Variants in SNX18 observed in about 807,000 individuals in gnomAD.
SNX18 encodes sorting nexin 18.
SNX18 carries 35 observed loss-of-function variants against 48.7 expected under a neutral mutation model. The observed-to-expected ratio is 0.72, with a 90% CI of 0.55 to 0.95. The LOEUF (loss-of-function observed/expected upper bound fraction) is 0.95. Among genes scored for constraint, SNX18 ranks in the 40% least tolerant of loss-of-function variants. SNX18 has a pLI of 0.00. For synonymous variants in SNX18, 492 were observed against 384.7 expected (o/e 1.28, Z -3.26); for missense variants, 824 against 871.0 (o/e 0.95, Z 0.68).
chr5:54,595,601 C>A, the SNX18 span, among the ~76,000 whole-genome samples: 7 of 152,214 alleles, frequency 4.6e-5, no homozygotes, highest in Non-Finnish European at 1.0e-4. Flanking sequence ...TACATTCCCA[C>A]TGACAGTGTA....
At chr5:54,523,584 A>C (rs1305377533) in intron 1 of SNX18, among the ~76,000 whole-genome samples, 1 of 152,130 alleles carries the variant, frequency 6.6e-6, no homozygotes, top group East Asian at 1.9e-4. Context: ...TGAAGCAGGG[A>C]GGCAGGACTA....
In SNX18 at chr5:54,519,554, C is replaced by T; in HGVS notation, c.1602C>T (p.Asp534=). 9 of 1,614,238 alleles carry T rather than the reference C, an allele frequency of 5.6e-6. No homozygotes were observed. Among genetic ancestry groups the T allele is most frequent in the Non-Finnish European group, 7.6e-6 (9 of 1,180,044 alleles). ...LYQGHLANFP[D]IIHVQKGALT... is the part of the protein sequence containing the mutation. Reference sequence around the variant, plus strand: ...AGGGGCATCTGGCTAACTTCCCGGACATCATCCACGTTCAGAAAGGTAAAG... The same window carrying T: ...AGGGGCATCTGGCTAACTTCCCGGATATCATCCACGTTCAGAAAGGTAAAG... Residue 534 remains aspartate (D), a synonymous_variant, in exon 1 of 2, where the codon GAC becomes GAT. Transcript: ENST00000381410.
chr5:54,579,797 G>A, the SNX18 span, among the ~76,000 whole-genome samples: 8 of 152,188 alleles, frequency 5.3e-5, no homozygotes, highest in African/African-American at 2.4e-5. Context: ...GTCCACAGGA[G>A]GGTGGGGCTG....
At chr5:54,620,772 G>A in the SNX18 span, among the ~76,000 whole-genome samples, 2 of 152,194 alleles carry the variant, frequency 1.3e-5, no homozygotes, top group South Asian at 2.1e-4. Context: ...CCAAGATCAA[G>A]GAGTTGGCCA....
intron 1 of SNX18, among the ~76,000 whole-genome samples, chr5:54,526,126 A>T (rs1001814925): frequency 2.6e-5 from 4 of 152,152 alleles, no homozygotes; most frequent in African/African-American, 9.7e-5. Context: ...TTTTTTAAAG[A>T]TGGAGTCTTG....
chr5:54,634,554 G>T, the SNX18 span, among the ~76,000 whole-genome samples: 2 of 151,670 alleles, frequency 1.3e-5, no homozygotes, highest in East Asian at 3.9e-4. Context: ...GCTCATCAGC[G>T]ATCCTTAGTG....
chr5:54,601,989 G>C, the SNX18 span, among the ~76,000 whole-genome samples: 1 of 152,154 alleles, frequency 6.6e-6, no homozygotes, highest in East Asian at 1.9e-4. Context: ...CTGTTGCACT[G>C]CTTGCCAACT....
the SNX18 span, among the ~76,000 whole-genome samples, chr5:54,646,313 G>C: frequency 9.2e-4 from 140 of 152,144 alleles, no homozygotes; most frequent in African/African-American, 3.1e-3. Flanking sequence ...ACTCTGCTAG[G>C]GGCTGATTTC....
chr5:54,624,502 CCATGTAA>C, the SNX18 span, among the ~76,000 whole-genome samples: 2 of 152,190 alleles, frequency 1.3e-5, no homozygotes, highest in Non-Finnish European at 2.9e-5. Flanking sequence ...ATGCAGTCCT[CCATGTAA>C]CATATCTTGG....
At chr5:54,586,672 G>A in the SNX18 span, among the ~76,000 whole-genome samples, 5 of 152,178 alleles carry the variant, frequency 3.3e-5, no homozygotes, top group Admixed American at 2.6e-4. Context: ...AGCCCTTATG[G>A]CCTAATCACT....
At chr5:54,616,372 A>G in the SNX18 span, among the ~76,000 whole-genome samples, 3 of 143,208 alleles carry the variant, frequency 2.1e-5, no homozygotes, top group African/African-American at 7.9e-5. Flanking sequence ...TATCTATTTA[A>G]TAACAACTTA....
At chr5:54,588,041 A>G in the SNX18 span, among the ~76,000 whole-genome samples, 1 of 152,154 alleles carries the variant, frequency 6.6e-6, no homozygotes, top group African/African-American at 2.4e-5. Flanking sequence ...GAAGAAGCCA[A>G]TCTTCTAGGG....
chr5:54,543,662 A>G lies in SNX18; in HGVS notation c.*230A>G, dbSNP rs184370573. On this transcript the variant is annotated 3_prime_UTR_variant, in exon 2 of 2. Transcript: ENST00000381410. ...ACTAAATTATACTATGTATGCCTAC[A>G]CTACCATTGTAACTTTTGGAATAAT... The G allele has an allele frequency of 1.4e-3, 702 of 488,158 alleles. 9 individuals carry two copies. In the Admixed American group the frequency reaches 0.023, roughly 16 times the overall value. The allele number at this position is 488,158 out of a possible 1,614,324, so 30.2% of individuals were successfully genotyped here. A position where few individuals can be genotyped will look rare whatever the true frequency, so the allele number is the denominator to read the frequency against.
At chr5:54,548,474 A>G (rs1762608445), downstream of SNX18, among the ~76,000 whole-genome samples, 1 of 152,234 alleles carries the variant, frequency 6.6e-6, no homozygotes, top group South Asian at 2.1e-4. Flanking sequence ...CCAGCATATC[A>G]GTGAGAAAGG....
chr5:54,629,298 T>A, the SNX18 span, among the ~76,000 whole-genome samples: 1 of 152,182 alleles, frequency 6.6e-6, no homozygotes, highest in African/African-American at 2.4e-5. Context: ...TTCTTGAATG[T>A]GGAGAGGAGC....
At chr5:54,534,097 C>A (rs55908899) in intron 1 of SNX18, among the ~76,000 whole-genome samples, 1 of 152,030 alleles carries the variant, frequency 6.6e-6, no homozygotes, top group South Asian at 2.1e-4. Context: ...GCTGTCCCTG[C>A]TGCCCTTCAG....
At chr5:54,622,056 G>C in the SNX18 span, among the ~76,000 whole-genome samples, 1 of 152,230 alleles carries the variant, frequency 6.6e-6, no homozygotes, top group Non-Finnish European at 1.5e-5. Flanking sequence ...AAAAGAATTC[G>C]AGGAGAGCTG....
chr5:54,530,743 A>ATTTTT (rs1762238967), intron 1 of SNX18, among the ~76,000 whole-genome samples: 1 of 58,052 alleles, frequency 1.7e-5, no homozygotes, highest in Non-Finnish European at 3.2e-5. Context: ...GAACCACAGA[A>ATTTTT]ATTTTTTTTT....
intron 1 of SNX18, among the ~76,000 whole-genome samples, chr5:54,531,969 T>C (rs1257506087): frequency 6.6e-6 from 1 of 152,218 alleles, no homozygotes; most frequent in Non-Finnish European, 1.5e-5. Context: ...TTCTGCTAAC[T>C]CCAGCATGAA....
Sources: gnomAD v4.1 joint callset for allele counts (sites outside exome capture counted in the v4.1 genomes callset) on GRCh38, gnomAD v4.1.1 for gene constraint, MANE v1.5 for transcripts, NCBI Gene and HGNC (gene_info 2026-07-23, HGNC 2026-07-21) for gene names.